SMARCA4: variants seen among roughly 807,000 people sequenced by gnomAD.
SMARCA4 encodes SWI/SNF related BAF chromatin remodeling complex subunit ATPase 4, also known as SWI/SNF-related matrix-associated actin-dependent regulator of chromatin subfamily A member 4.
In SMARCA4, 31 loss-of-function variants were observed where a neutral mutation model predicts 193.9. That is an observed-to-expected ratio of 0.16 (90% CI 0.12 to 0.22). SMARCA4 has a LOEUF of 0.22. Among genes scored for constraint, SMARCA4 ranks in the 10% least tolerant of loss-of-function variants. The probability of loss-of-function intolerance (pLI) is 1.00; values close to 1 mark genes in which losing one functional copy is unlikely to be tolerated. For synonymous variants in SMARCA4, 942 were observed against 933.1 expected, an observed-to-expected ratio of 1.01 and a Z score of -0.17; for missense variants, 1,148 against 2,296.0, an observed-to-expected ratio of 0.50 and a Z score of 10.22.
At chr19:11,056,450 G>A (rs1445281389) in intron 30 of SMARCA4, 1 of 152,354 alleles carries the variant, frequency 6.6e-6, no homozygotes, top group East Asian at 1.9e-4. Context: ...GGCAGGAGAT[G>A]GGGAGATGTA....
intron 34 of SMARCA4, 156 bp downstream of exon 34, chr19:11,060,343 G>T: frequency 1.1e-6 from 1 of 919,930 alleles, no homozygotes; most frequent in Middle Eastern, 3.3e-4. Context: ...AGGTCACACA[G>T]CCAGTATGTG....
intron 11 of SMARCA4, among the ~76,000 whole-genome samples, chr19:11,000,666 G>T (rs938287635): frequency 2.0e-5 from 3 of 152,028 alleles, no homozygotes; most frequent in Admixed American, 2.0e-4. Context: ...AGATCATGAG[G>T]TCAGGAGTTC....
At chr19:11,028,883 G>C (rs184899551) in intron 24 of SMARCA4, among the ~76,000 whole-genome samples, 2 of 152,232 alleles carry the variant, frequency 1.3e-5, no homozygotes, top group Admixed American at 1.3e-4. Context: ...TTCCCTACAC[G>C]ACCTCCCAGA....
rs1319928465 is a variant in SMARCA4, at chr19:11,058,222, T to C, written c.4425-33T>C. On this transcript the variant is annotated intron_variant, in intron 30 of 34. Transcript: ENST00000344626. The surrounding 1 kb of genome is among the most constrained non-coding windows in gnomAD (Gnocchi z 5.8). ...GGTGGGGGCTCCCGGGTGGGCGGAC[T>C]CGGGGGTGATAGCCGCCGGTTCTGC... 3 of 1,497,570 alleles carry C rather than the reference T, an allele frequency of 2.0e-6. No homozygotes were observed. The highest frequency in any genetic ancestry group is 1.4e-5 in the African/African-American group (1 of 72,830). The allele number at this position is 1,497,570 out of a possible 1,614,324, so 92.8% of individuals were successfully genotyped here. A position where few individuals can be genotyped will look rare whatever the true frequency, so the allele number is the denominator to read the frequency against.
intron 11 of SMARCA4, among the ~76,000 whole-genome samples, chr19:10,996,770 G>A (rs2087098535): frequency 6.6e-6 from 1 of 152,162 alleles, no homozygotes; most frequent in African/African-American, 2.4e-5. Flanking sequence ...CATCTTTCAG[G>A]TTTTACTTTG....
At chr19:10,961,853 T>C (rs1469180303) in intron 1 of SMARCA4, 1 of 152,220 alleles carries the variant, frequency 6.6e-6, no homozygotes, top group African/African-American at 2.4e-5. Context: ...GTAAAAGCAT[T>C]GCTTTTCTTT....
At chr19:10,962,744 T>C (rs996330541) in intron 1 of SMARCA4, among the ~76,000 whole-genome samples, 2 of 152,178 alleles carry the variant, frequency 1.3e-5, no homozygotes, top group Admixed American at 6.6e-5. Flanking sequence ...GGTTTTACCA[T>C]GTTGGCCAGG....
At chr19:10,966,895 G>T (rs1167366264) in intron 1 of SMARCA4, among the ~76,000 whole-genome samples, 1 of 122,016 alleles carries the variant, frequency 8.2e-6, no homozygotes, top group Non-Finnish European at 1.7e-5. Context: ...CTCTACAAAA[G>T]AAAAAAAAAA....
At position 10,985,557 on chromosome 19, in the gene SMARCA4, G is replaced by T. The variant is rs766584863; in HGVS notation, c.355+152G>T. Reference sequence around the variant, plus strand: ...CCCGCCACAGAGAGCTGTCTGGCATGGCGTGGCTGGTGCTCTGTTCTGGCC... The same window carrying T: ...CCCGCCACAGAGAGCTGTCTGGCATTGCGTGGCTGGTGCTCTGTTCTGGCC... On this transcript the variant is annotated intron_variant, in intron 3 of 34. Transcript: ENST00000344626. The surrounding 1 kb of genome is among the most constrained non-coding windows in gnomAD (Gnocchi z 4.5). 6.2e-6 allele frequency: 6 copies of T among 960,734 alleles called. No homozygotes were observed. In the South Asian group the frequency reaches 8.5e-5, roughly 14 times the overall value. The allele number at this position is 960,734 out of a possible 1,614,324, so 59.5% of individuals were successfully genotyped here.
At chr19:10,961,696 T>C (rs1372817252) in intron 1 of SMARCA4, 1 of 152,202 alleles carries the variant, frequency 6.6e-6, no homozygotes, top group African/African-American at 2.4e-5. Context: ...TCAAATTGTC[T>C]TAAAAACGTG....
At position 11,034,116 on chromosome 19, in the gene SMARCA4, C is replaced by G. The variant is rs2075116315; in HGVS notation, c.3874-7C>G. On this transcript the variant is annotated splice_region_variant and splice_polypyrimidine_tract_variant and intron_variant, in intron 27 of 34. Transcript: ENST00000344626. The surrounding 1 kb of genome is among the most constrained non-coding windows in gnomAD (Gnocchi z 7.0). ...CTCAGCGGCACTGACAGTTTGCAAT[C>G]TTATAGGAGGAAGACGAGGTGCCCG... 1.2e-6 allele frequency: 2 copies of G among 1,612,162 alleles called. No individual in the cohort carries two copies. Among genetic ancestry groups the G allele is most frequent in the African/African-American group, 1.3e-5 (1 of 74,892 alleles).
chr19:10,997,967 C>T (rs2087243385), intron 11 of SMARCA4, among the ~76,000 whole-genome samples: 1 of 152,176 alleles, frequency 6.6e-6, no homozygotes, highest in Non-Finnish European at 1.5e-5. Context: ...GCCAGTTTTT[C>T]CAGTTATCTT....
At chr19:11,028,820 C>T (rs187758011) in intron 24 of SMARCA4, among the ~76,000 whole-genome samples, 3 of 152,156 alleles carry the variant, frequency 2.0e-5, no homozygotes, top group Non-Finnish European at 4.4e-5. Flanking sequence ...ACTGGGCTTA[C>T]GAGAAACACG....
Position 11,023,386 on chromosome 19 carries a change from A to T in SMARCA4, c.2860-132A>T, listed in dbSNP as rs919520619. 4 of 695,300 alleles carry T rather than the reference A, an allele frequency of 5.8e-6. No individual in the cohort carries two copies. In the African/African-American group the frequency reaches 7.1e-5, roughly 12 times the overall value. The allele number at this position is 695,300 out of a possible 1,614,324, so 43.1% of individuals were successfully genotyped here. On this transcript the variant is annotated intron_variant, in intron 19 of 34. Coordinates refer to ENST00000344626, the MANE Select transcript of SMARCA4 (RefSeq NM_003072.5). ...CCAGAAAGCATAAAGCAGGCTGAAA[A>T]GCCACGTGCCAAGGGCAAGATCACC...
At position 10,985,454 on chromosome 19, in the gene SMARCA4, C is replaced by T. The variant is rs183120332; in HGVS notation, c.355+49C>T. On this transcript the variant is annotated intron_variant, in intron 3 of 34. Transcript: ENST00000344626. This position sits in a 1 kb window ranked among gnomAD's most constrained non-coding sequence, Gnocchi z 4.5. ...CCTTGTGTTTGTCATACTCCAGAGT[C>T]CTCAGATCATTTTCCTCCCCTGGGT... 4.4e-6 allele frequency: 7 copies of T among 1,606,014 alleles called. No individual in the cohort carries two copies. The highest frequency in any genetic ancestry group is 1.3e-5 in the African/African-American group (1 of 74,926).
intron 29 of SMARCA4, among the ~76,000 whole-genome samples, chr19:11,039,086 C>G (rs1468532182): frequency 6.6e-6 from 1 of 152,118 alleles, no homozygotes; most frequent in Non-Finnish European, 1.5e-5. Context: ...GGCACAGTGA[C>G]ACATGCCTGT....
chr19:11,030,983 C>T lies in SMARCA4; in HGVS notation c.3546+90C>T. 1.6e-6 allele frequency: 2 copies of T among 1,215,890 alleles called. No individual in the cohort carries two copies. Among genetic ancestry groups the T allele is most frequent in the Non-Finnish European group, 2.4e-6 (2 of 849,692 alleles). 75.3% of individuals were successfully genotyped at this position (1,215,890 alleles called of 1,614,324 possible). On this transcript the variant is annotated intron_variant, in intron 25 of 34. Transcript: ENST00000344626. The surrounding 1 kb of genome is among the most constrained non-coding windows in gnomAD (Gnocchi z 5.5). Reference sequence around the variant, plus strand: ...CGGCCCTGGCTTGAGGGTCCTCCAGCCTCCTCCACATTGTCTTGGACCCCA... The same window carrying T: ...CGGCCCTGGCTTGAGGGTCCTCCAGTCTCCTCCACATTGTCTTGGACCCCA...
intron 9 of SMARCA4, 98 bp from the exon 10 acceptor site, chr19:10,996,115 A>C: frequency 8.2e-7 from 1 of 1,215,430 alleles, no homozygotes; most frequent in South Asian, 1.2e-5. Flanking sequence ...CGCGTGAGCT[A>C]CGCGTGCCCT....
rs2145781464 is a variant in SMARCA4, at chr19:10,986,474, A to G, written c.641A>G (p.Gln214Arg). ...GGCAAGCGGCCGATGCCCGGGATGC[A>G]GCAGCAGATGCCAACGCTACCTCCA... ...VQGKRPMPGMQQQMPTLPPPS... is the reference protein window; with the variant it reads ...VQGKRPMPGMRQQMPTLPPPS... The change falls in exon 4 of 35, where the codon CAG becomes CGG. Residue 214 changes from glutamine (Q) to arginine (R), a missense_variant. Physicochemically the swap from Gln to Arg is conservative, Grantham distance 43. This residue lies in a region of SMARCA4 where 257 missense variants were observed against 276.5 expected (regional missense o/e 0.93). Coordinates refer to ENST00000344626, the MANE Select transcript of SMARCA4 (RefSeq NM_003072.5). This position sits in a 1 kb window ranked among gnomAD's most constrained non-coding sequence, Gnocchi z 6.7. The G allele has an allele frequency of 6.4e-7, 1 of 1,554,220 alleles. No homozygotes were observed. Among genetic ancestry groups the G allele is most frequent in the Non-Finnish European group, 8.7e-7 (1 of 1,149,886 alleles).
Sources: allele counts gnomAD v4.1 joint callset (sites outside exome capture counted in the v4.1 genomes callset), GRCh38; gene constraint gnomAD v4.1.1; regional missense constraint gnomAD v4.1.1; non-coding constraint Gnocchi (gnomAD v3.1); transcripts MANE v1.5; gene names NCBI Gene and HGNC (gene_info 2026-07-23, HGNC 2026-07-21).